Variants in PLEKHG2 observed in about 807,000 individuals in gnomAD.
The protein encoded by PLEKHG2 is pleckstrin homology and RhoGEF domain containing G2.
PLEKHG2 carries 71 observed loss-of-function variants against 104.4 expected under a neutral mutation model. That is an observed-to-expected ratio of 0.68 (90% CI 0.56 to 0.83). The LOEUF is 0.83. Among genes scored for constraint, PLEKHG2 ranks in the 40% least tolerant of loss-of-function variants. PLEKHG2 has a pLI of 0.00. For synonymous variants in PLEKHG2, 728 were observed against 737.0 expected (o/e 0.99, Z 0.20); for missense variants, 1,730 against 1,809.4 (o/e 0.96, Z 0.80).
chr19:39,418,106 G>C lies in PLEKHG2; in HGVS notation c.1083+1G>C, dbSNP rs1336367648. On this transcript the variant is annotated splice_donor_variant, in intron 9 of 18. Transcript: ENST00000425673. LOFTEE classifies it high-confidence loss of function. Reference sequence around the variant, plus strand: ...GTACACCTACAAAGGCCACATCTTCGTGAGTTTGGGGATGGGGTGGGGCTA... The same window carrying C: ...GTACACCTACAAAGGCCACATCTTCCTGAGTTTGGGGATGGGGTGGGGCTA... 2 of 1,501,774 alleles carry C rather than the reference G, an allele frequency of 1.3e-6. No individual in the cohort carries two copies. The highest frequency in any genetic ancestry group is 1.4e-5 in the South Asian group (1 of 72,992). The allele number at this position is 1,501,774 out of a possible 1,614,324, so 93.0% of individuals were successfully genotyped here.
Position 39,415,058 on chromosome 19 carries a change from G to C in PLEKHG2, c.176G>C (p.Gly59Ala), listed in dbSNP as rs1352059198. 5 of 1,593,642 alleles carry C rather than the reference G, an allele frequency of 3.1e-6. No individual in the cohort carries two copies. The highest frequency in any genetic ancestry group is 4.3e-6 in the Non-Finnish European group (5 of 1,170,684). The change falls in exon 3 of 19, where the codon GGC (glycine) becomes GCC (alanine). Residue 59 changes from glycine (G) to alanine (A), a missense_variant. Physicochemically the swap from Gly to Ala is moderately conservative, Grantham distance 60. Transcript: ENST00000425673. This position sits in a 1 kb window ranked among gnomAD's most constrained non-coding sequence, Gnocchi z 4.6. ...AGCTCCACATCCCTGAGCACAGTGG[G>C]CTCTGAGGGGGATCCAGCCCCTGGG... ...SGSSTSLSTV[G>A]SEGDPAPGPT...
intron 16 of PLEKHG2, 54 bp from the exon 17 acceptor site, chr19:39,422,061 C>G: frequency 2.0e-6 from 3 of 1,531,854 alleles, no homozygotes; most frequent in Non-Finnish European, 1.8e-6. Context: ...TTGGGGTCCT[C>G]TATGTGAGGG....
Position 39,419,670 on chromosome 19 carries a change from G to T in PLEKHG2, c.1263+667G>T, listed in dbSNP as rs570620200. 1.1e-4 allele frequency among the ~76,000 whole-genome samples: 17 copies of T among 152,228 alleles called. No homozygotes were observed. In the South Asian group the frequency reaches 3.3e-3, roughly 30 times the overall value. On this transcript the variant is annotated intron_variant, in intron 11 of 18. Coordinates refer to ENST00000425673, the MANE Select transcript of PLEKHG2 (RefSeq NM_022835.3). ...AGGCGGGCGGATCACGAGGTCCGGAGATCGAGACCATCCTGGCTAACATGG... is the reference window on the plus strand; with the variant it reads ...AGGCGGGCGGATCACGAGGTCCGGATATCGAGACCATCCTGGCTAACATGG...
In PLEKHG2 at chr19:39,416,138, G is replaced by A. The variant is rs1280171328; in HGVS notation, c.480-210G>A. 6.6e-6 allele frequency among the ~76,000 whole-genome samples: 1 copy of A among 152,146 alleles called. No homozygotes were observed. The highest frequency in any genetic ancestry group is 1.5e-5 in the Non-Finnish European group (1 of 68,022). On this transcript the variant is annotated intron_variant, in intron 4 of 18. Coordinates refer to ENST00000425673, the MANE Select transcript of PLEKHG2 (RefSeq NM_022835.3). The surrounding 1 kb of genome is among the most constrained non-coding windows in gnomAD (Gnocchi z 4.5). ...GACACAAGTTCAAGCTGAGGAATGA[G>A]AAGCTGTCCAGGGACAAAGTCTAAG...
At position 39,416,742 on chromosome 19, in the gene PLEKHG2, C is replaced by T. The variant is rs1049823775; in HGVS notation, c.594-108C>T. On this transcript the variant is annotated intron_variant, in intron 6 of 18. Transcript: ENST00000425673. The surrounding 1 kb of genome is among the most constrained non-coding windows in gnomAD (Gnocchi z 4.5). ...GTAACTGACCTCTCCCTCACTGCCC[C>T]GCCCCCTGTCAGACCCTGACCCTTC... 5.4e-6 allele frequency: 8 copies of T among 1,468,102 alleles called. No homozygotes were observed. Among genetic ancestry groups the T allele is most frequent in the African/African-American group, 2.8e-5 (2 of 72,040 alleles). The allele number at this position is 1,468,102 out of a possible 1,614,324, so 90.9% of individuals were successfully genotyped here.
In PLEKHG2 at chr19:39,422,178, C is replaced by T; in HGVS notation, c.1567C>T (p.Pro523Ser). 2 of 1,613,838 alleles carry T rather than the reference C, an allele frequency of 1.2e-6. No individual in the cohort carries two copies. The highest frequency in any genetic ancestry group is 1.3e-5 in the African/African-American group (1 of 74,986). ...ESQPPVSGSA[P>S]PEDLEDAGPP... ...TCAGCCACCAGTTTCAGGCTCTGCACCCCCTGAGGACCTGGAGGATGCTGG... is the reference window on the plus strand; with the variant it reads ...TCAGCCACCAGTTTCAGGCTCTGCATCCCCTGAGGACCTGGAGGATGCTGG... Residue 523 changes from proline to serine, a missense_variant, in exon 17 of 19, where the codon CCC becomes TCC. Transcript: ENST00000425673.
At chr19:39,414,850 C>A in intron 2 of PLEKHG2, 142 bp from the exon 3 acceptor site, 1 of 967,598 alleles carries the variant, frequency 1.0e-6, no homozygotes, top group Non-Finnish European at 1.5e-6. Flanking sequence ...TGGACCAAGA[C>A]AGGGCAGTGG....
Position 39,416,883 on chromosome 19 carries a change from TCCG to T in PLEKHG2, c.630_632del (p.Pro211del), listed in dbSNP as rs2078614162. 6.2e-7 allele frequency: 1 copy of T among 1,611,684 alleles called. No individual in the cohort carries two copies. The highest frequency in any genetic ancestry group is 8.5e-7 in the Non-Finnish European group (1 of 1,179,282). Reference sequence around the variant, plus strand: ...CCCTGCTCCGGGAGCTGTCGTTGTCTCCGCCAGCAGCCCTGTGGCTGCAGGAGC... The same window carrying T: ...CCCTGCTCCGGGAGCTGTCGTTGTCTCCAGCAGCCCTGTGGCTGCAGGAGC... On this transcript the variant is annotated inframe_deletion, in exon 7 of 19. Transcript: ENST00000425673. This position sits in a 1 kb window ranked among gnomAD's most constrained non-coding sequence, Gnocchi z 4.5.
rs766303942 is a variant in PLEKHG2, at chr19:39,424,912, A to T, written c.3779A>T (p.His1260Leu). 2 of 1,614,108 alleles carry T rather than the reference A, an allele frequency of 1.2e-6. No individual in the cohort carries two copies. The highest frequency in any genetic ancestry group is 1.7e-6 in the Non-Finnish European group (2 of 1,180,012). ...RLESSDLTPP[H>L]SPPPSSRQLL... is the part of the protein sequence containing the mutation. ...GAGTCTTCAGACTTGACGCCACCTCATAGTCCCCCACCTTCCAGCCGTCAG... is the reference window on the plus strand; with the variant it reads ...GAGTCTTCAGACTTGACGCCACCTCTTAGTCCCCCACCTTCCAGCCGTCAG... Residue 1260 changes from histidine (H) to leucine (L), a missense_variant, in exon 19 of 19, where the codon CAT (histidine) becomes CTT (leucine). His to Leu is a moderately conservative substitution (Grantham distance 99). Coordinates refer to ENST00000425673, the MANE Select transcript of PLEKHG2 (RefSeq NM_022835.3).
At position 39,425,101 on chromosome 19, in the gene PLEKHG2, C is replaced by T. The variant is rs2078764372; in HGVS notation, c.3968C>T (p.Pro1323Leu). 1.9e-6 allele frequency: 3 copies of T among 1,590,102 alleles called. No individual in the cohort carries two copies. Among genetic ancestry groups the T allele is most frequent in the Non-Finnish European group, 2.6e-6 (3 of 1,168,182 alleles). ...TSRASSPPPQPQPPPPPARRL... is the reference protein window; with the variant it reads ...TSRASSPPPQLQPPPPPARRL... ...CGGGCATCTTCGCCGCCCCCCCAGCCCCAGCCACCACCTCCCCCAGCCAGG... is the reference window on the plus strand; with the variant it reads ...CGGGCATCTTCGCCGCCCCCCCAGCTCCAGCCACCACCTCCCCCAGCCAGG... Residue 1323 changes from proline to leucine, a missense_variant, in exon 19 of 19, where the codon CCC (proline) becomes CTC (leucine). Pro to Leu is a moderately conservative substitution (Grantham distance 98). Coordinates refer to ENST00000425673, the MANE Select transcript of PLEKHG2 (RefSeq NM_022835.3).
In PLEKHG2 at chr19:39,414,147, C is replaced by G; in HGVS notation, c.61C>G (p.Arg21Gly). ...SKPSPSLGCG[R>G]RGEVCDCGTV... is the part of the protein sequence containing the mutation. ...ACCTAGCCCAAGCCTCGGGTGTGGCCGAAGAGGTGAAGTGTGTGACTGTGG... is the reference window on the plus strand; with the variant it reads ...ACCTAGCCCAAGCCTCGGGTGTGGCGGAAGAGGTGAAGTGTGTGACTGTGG... Residue 21 changes from arginine (R) to glycine (G), a missense_variant, in exon 2 of 19, where the codon CGA (arginine) becomes GGA (glycine). Arg to Gly is a moderately radical substitution (Grantham distance 125). Coordinates refer to ENST00000425673, the MANE Select transcript of PLEKHG2 (RefSeq NM_022835.3). The G allele has an allele frequency of 6.4e-7, 1 of 1,551,466 alleles. No individual in the cohort carries two copies. Among genetic ancestry groups the G allele is most frequent in the Non-Finnish European group, 8.7e-7 (1 of 1,146,856 alleles).
rs1568401899 is a variant in PLEKHG2 at position 39,425,078 on chromosome 19, G to A, written c.3945G>A (p.Arg1315=). The A allele has an allele frequency of 6.3e-7, 1 of 1,592,818 alleles. No homozygotes were observed. The highest frequency in any genetic ancestry group is 1.8e-5 in the Admixed American group (1 of 56,922). Residue 1315 remains arginine, a synonymous_variant, in exon 19 of 19, where the codon CGG becomes CGA. Coordinates refer to ENST00000425673, the MANE Select transcript of PLEKHG2 (RefSeq NM_022835.3). The part of the protein sequence containing the change: ...RGSWSSAPTS[R]ASSPPPQPQP... ...CCTGGTCCTCTGCTCCCACGTCACG[G>A]GCATCTTCGCCGCCCCCCCAGCCCC...
rs773461401 is a variant in PLEKHG2, at chr19:39,423,868, C to T, written c.2735C>T (p.Pro912Leu). The T allele has an allele frequency of 2.1e-5, 34 of 1,614,058 alleles. 1 individual carries two copies. In the Middle Eastern group the frequency reaches 8.2e-4, roughly 39 times the overall value. The change falls in exon 19 of 19, where the codon CCG becomes CTG. Residue 912 changes from proline to leucine, a missense_variant. Pro to Leu is a moderately conservative substitution (Grantham distance 98). Transcript: ENST00000425673. ...CCTTTGTCAAAGCAGGGAGGCAGCCCGGATGGCCAGGGTCTACATGTTTCC... is the reference window on the plus strand; with the variant it reads ...CCTTTGTCAAAGCAGGGAGGCAGCCTGGATGGCCAGGGTCTACATGTTTCC... ...AIPLSKQGGS[P>L]DGQGLHVSNL...
chr19:39,421,228 C>T, intron 15 of PLEKHG2, 55 bp from the exon 16 acceptor site: 2 of 1,612,794 alleles, frequency 1.2e-6, no homozygotes, highest in East Asian at 2.2e-5. Context: ...GGGAATCACT[C>T]TTTTTCCCTT....
rs758834277 is a variant in PLEKHG2 at position 39,423,204 on chromosome 19, A to C, written c.2150A>C (p.Asn717Thr). 1.9e-6 allele frequency: 3 copies of C among 1,612,836 alleles called. No homozygotes were observed. The African/African-American group carries it at 4.0e-5, about 22-fold the overall frequency. The change falls in exon 18 of 19, where the codon AAT (asparagine) becomes ACT (threonine). Residue 717 changes from asparagine to threonine, a missense_variant. By Grantham distance (65) the Asn-to-Thr change is moderately conservative. Transcript: ENST00000425673. The part of the protein sequence containing the change: ...ATRRELFSGS[N>T]PGKLGEPPSG... ...AGGAGAGAACTGTTTTCTGGGAGCA[A>C]TCCTGGGAAACTGGGAGAGCCGCCT...
In PLEKHG2 at chr19:39,423,316, A is replaced by G; in HGVS notation, c.2262A>G (p.Gly754=). ...CCCAGGATGTCACCCAACATCAGGG[A>G]TTCCCAGATGAGCTGGCATTCCGCT... The part of the protein sequence containing the change: ...FQPQDVTQHQ[G]FPDELAFRSC... The change falls in exon 18 of 19, where the codon GGA becomes GGG. Residue 754 remains glycine (G), a synonymous_variant. Coordinates refer to ENST00000425673, the MANE Select transcript of PLEKHG2 (RefSeq NM_022835.3). 1 of 1,614,062 alleles carries G rather than the reference A, an allele frequency of 6.2e-7. No individual in the cohort carries two copies. Among genetic ancestry groups the G allele is most frequent in the African/African-American group, 1.3e-5 (1 of 75,056 alleles).
In PLEKHG2 at chr19:39,416,503, G is replaced by T. The variant is rs199813652; in HGVS notation, c.547-48G>T. 1 of 1,612,492 alleles carries T rather than the reference G, an allele frequency of 6.2e-7. No individual in the cohort carries two copies. Among genetic ancestry groups the T allele is most frequent in the South Asian group, 1.1e-5 (1 of 91,012 alleles). The stretch of plus-strand genomic sequence containing the variant: ...CTTGGGCTAGGCTGGAAGGGGGGTC[G>T]TGGGAAGCCAGGACCTGGGGTCTCC... On this transcript the variant is annotated intron_variant, in intron 5 of 18. Transcript: ENST00000425673. This position sits in a 1 kb window ranked among gnomAD's most constrained non-coding sequence, Gnocchi z 4.5.
rs2078585980 is a variant in PLEKHG2, at chr19:39,415,334, A to G, written c.379-5A>G. 2 of 1,613,734 alleles carry G rather than the reference A, an allele frequency of 1.2e-6. No homozygotes were observed. Among genetic ancestry groups the G allele is most frequent in the Admixed American group, 1.7e-5 (1 of 60,000 alleles). On this transcript the variant is annotated splice_region_variant and splice_polypyrimidine_tract_variant and intron_variant, in intron 3 of 18. Transcript: ENST00000425673. The surrounding 1 kb of genome is among the most constrained non-coding windows in gnomAD (Gnocchi z 4.6). The stretch of plus-strand genomic sequence containing the variant: ...TGGCCCCCATAACCCCAGTCATCCC[A>G]ACAGGACTACCTGGGCCCTCTGCTG...
chr19:39,416,310 A>T lies in PLEKHG2; in HGVS notation c.480-38A>T. ...GGAGGCCTCCCATGGAGGGGTCGTG[A>T]AGGCAGGCGGTTCCTCACCCTCCCC... On this transcript the variant is annotated intron_variant, in intron 4 of 18. Coordinates refer to ENST00000425673, the MANE Select transcript of PLEKHG2 (RefSeq NM_022835.3). The surrounding 1 kb of genome is among the most constrained non-coding windows in gnomAD (Gnocchi z 4.5). 1 of 1,608,534 alleles carries T rather than the reference A, an allele frequency of 6.2e-7. No individual in the cohort carries two copies. The highest frequency in any genetic ancestry group is 1.1e-5 in the South Asian group (1 of 90,770).
Sources: gnomAD v4.1 joint callset for allele counts (sites outside exome capture counted in the v4.1 genomes callset) on GRCh38, gnomAD v4.1.1 for gene constraint, Gnocchi (gnomAD v3.1) non-coding constraint, MANE v1.5 for transcripts, NCBI Gene and HGNC (gene_info 2026-07-23, HGNC 2026-07-21) for gene names.